The following PPP1R9A variants were observed in gnomAD, a reference collection of about 807,000 sequenced individuals.
The protein encoded by PPP1R9A is protein phosphatase 1 regulatory subunit 9A, also known as neurabin-1.
In PPP1R9A, 59 loss-of-function variants were observed where a neutral mutation model predicts 141.9. The ratio of observed to expected loss-of-function variants is 0.42; its 90% CI spans 0.34 to 0.52. PPP1R9A has a LOEUF of 0.52. PPP1R9A is among the 20% of genes least tolerant of loss of function. PPP1R9A has a pLI of 0.10. For missense variants in PPP1R9A, 1,444 were observed against 1,611.9 expected (o/e 0.90, Z 1.78); for synonymous variants, 500 against 569.7 (o/e 0.88, Z 1.74).
At chr7:94,924,127 G>A (rs1443879959) in intron 2 of PPP1R9A, among the ~76,000 whole-genome samples, 1 of 152,100 alleles carries the variant, frequency 6.6e-6, no homozygotes. Context: ...GTAAAATTTT[G>A]ACTCTTTTCT....
chr7:95,240,741 G>T (rs534203403), intron 8 of PPP1R9A, among the ~76,000 whole-genome samples: 33 of 151,398 alleles, frequency 2.2e-4, no homozygotes, highest in Non-Finnish European at 4.7e-4. Context: ...ATTCTTTCTC[G>T]CTTTTCTTTA....
rs1813057744 is a variant in PPP1R9A at position 95,067,139 on chromosome 7, G to A, written c.1396-44120G>A. Among the ~76,000 whole-genome samples the A allele has an allele frequency of 2.0e-5, 3 of 152,196 alleles. No homozygotes were observed. In the South Asian group the frequency reaches 6.2e-4, roughly 31 times the overall value. ...ATAAAGATATTTTTATACATACAGTGTCTTAAAGATATGTTTTGTCTGCTG... is the reference window on the plus strand; with the variant it reads ...ATAAAGATATTTTTATACATACAGTATCTTAAAGATATGTTTTGTCTGCTG... On this transcript the variant is annotated intron_variant, in intron 2 of 19. Coordinates refer to ENST00000433360, the MANE Select transcript of PPP1R9A (RefSeq NM_001166160.2).
chr7:95,020,327 T>C (rs1805753744), intron 2 of PPP1R9A, among the ~76,000 whole-genome samples: 1 of 152,124 alleles, frequency 6.6e-6, no homozygotes, highest in Non-Finnish European at 1.5e-5. Flanking sequence ...AGTTTACATA[T>C]CCAGGTCATT....
chr7:95,239,407 A>G (rs1381301224), intron 8 of PPP1R9A, among the ~76,000 whole-genome samples: 1 of 152,166 alleles, frequency 6.6e-6, no homozygotes, highest in East Asian at 1.9e-4. Context: ...ACTTTGTTTT[A>G]TAGTAGCTTT....
At chr7:95,017,607 G>C (rs1011932240) in intron 2 of PPP1R9A, among the ~76,000 whole-genome samples, 3 of 152,078 alleles carry the variant, frequency 2.0e-5, no homozygotes, top group Non-Finnish European at 4.4e-5. Context: ...CTGAGAAGCT[G>C]ATTATAAAAA....
chr7:95,033,302 C>T (rs996842858), intron 2 of PPP1R9A, among the ~76,000 whole-genome samples: 2 of 151,794 alleles, frequency 1.3e-5, no homozygotes, highest in Non-Finnish European at 2.9e-5. Context: ...GCATGAGCCA[C>T]CGCTCCTGGC....
chr7:95,044,307 G>A (rs1453979224), intron 2 of PPP1R9A, among the ~76,000 whole-genome samples: 2 of 151,888 alleles, frequency 1.3e-5, no homozygotes, highest in Admixed American at 6.6e-5. Context: ...CCTTAACTGT[G>A]GCTCTTTATA....
intron 4 of PPP1R9A, 128 bp from the exon 5 acceptor site, chr7:95,161,739 G>C: frequency 3.3e-6 from 2 of 610,152 alleles, no homozygotes; most frequent in Non-Finnish European, 5.5e-6. Context: ...GTATGTAAAA[G>C]ATAGATTTTG....
chr7:95,196,640 C>A (rs1300602002), intron 5 of PPP1R9A, among the ~76,000 whole-genome samples: 1 of 152,090 alleles, frequency 6.6e-6, no homozygotes, highest in African/African-American at 2.4e-5. Context: ...GAGCAAATAA[C>A]TGATACTTAC....
At position 95,120,718 on chromosome 7, in the gene PPP1R9A, A is replaced by G. The variant is rs1424153463; in HGVS notation, c.1535A>G (p.Asp512Gly). 5 of 1,611,254 alleles carry G rather than the reference A, an allele frequency of 3.1e-6. No individual in the cohort carries two copies. Among genetic ancestry groups the G allele is most frequent in the African/African-American group, 1.3e-5 (1 of 74,834 alleles). Residue 512 changes from aspartate (D) to glycine (G), a missense_variant, in exon 4 of 20, where the codon GAT becomes GGT. Asp to Gly is a moderately conservative substitution (Grantham distance 94, BLOSUM62 -1). Transcript: ENST00000433360. ...CTTTTTTTCTTTTTAATAGATGAGG[A>G]TGGTCTTGGTATAAGTATTATTGGA... ...LFPVELEKDE[D>G]GLGISIIGMG...
intron 4 of PPP1R9A, among the ~76,000 whole-genome samples, chr7:95,131,820 A>G (rs1471579573): frequency 6.6e-6 from 1 of 152,116 alleles, no homozygotes; most frequent in African/African-American, 2.4e-5. Context: ...CTAATCCATG[A>G]GCATGGAATG....
chr7:95,027,672 T>C (rs1231095381), intron 2 of PPP1R9A, among the ~76,000 whole-genome samples: 3 of 152,238 alleles, frequency 2.0e-5, no homozygotes, highest in Non-Finnish European at 4.4e-5. Flanking sequence ...CTAAATGATA[T>C]AGCCTGCTAC....
At chr7:95,219,104 T>G (rs187748706) in intron 7 of PPP1R9A, among the ~76,000 whole-genome samples, 101 of 152,356 alleles carry the variant, frequency 6.6e-4, no homozygotes, top group Middle Eastern at 3.4e-3. Flanking sequence ...CAGTGGGTGG[T>G]ACTGGTTGTT....
intron 2 of PPP1R9A, among the ~76,000 whole-genome samples, chr7:95,051,276 T>A (rs2151993002): frequency 6.6e-6 from 1 of 152,260 alleles, no homozygotes; most frequent in Admixed American, 6.5e-5. Flanking sequence ...TGCTCTTTTG[T>A]CAAAGATCAG....
chr7:95,196,049 T>A (rs1836220439), intron 5 of PPP1R9A, among the ~76,000 whole-genome samples: 3 of 147,806 alleles, frequency 2.0e-5, no homozygotes, highest in Non-Finnish European at 4.5e-5. Context: ...GACTCTGTTT[T>A]AAAAATAAAA....
chr7:94,993,626 T>C (rs1375192188), intron 2 of PPP1R9A, among the ~76,000 whole-genome samples: 2 of 152,198 alleles, frequency 1.3e-5, no homozygotes, highest in Non-Finnish European at 2.9e-5. Context: ...CTGGGTTTAT[T>C]CCTAAATATT....
At position 95,081,060 on chromosome 7, in the gene PPP1R9A, A is replaced by C. The variant is rs565536955; in HGVS notation, c.1396-30199A>C. 2.0e-5 allele frequency among the ~76,000 whole-genome samples: 3 copies of C among 152,326 alleles called. No homozygotes were observed. The South Asian group carries it at 6.2e-4, about 32-fold the overall frequency. On this transcript the variant is annotated intron_variant, in intron 2 of 19. Transcript: ENST00000433360. ...CAAAGAATAAGACTAGAATCAATTA[A>C]TTCAGAAGGGTATGTAGCTTCATCT...
intron 4 of PPP1R9A, among the ~76,000 whole-genome samples, chr7:95,160,635 A>G (rs967935957): frequency 1.3e-5 from 2 of 152,074 alleles, no homozygotes; most frequent in African/African-American, 4.8e-5. Context: ...GGTACCAGGC[A>G]TAGTACCCAA....
At chr7:95,066,430 C>A (rs890026142) in intron 2 of PPP1R9A, among the ~76,000 whole-genome samples, 7 of 151,792 alleles carry the variant, frequency 4.6e-5, no homozygotes, top group African/African-American at 1.7e-4. Flanking sequence ...TAGAGCCAAA[C>A]ATGTAAGATA....
Sources: allele counts gnomAD v4.1 joint callset (sites outside exome capture counted in the v4.1 genomes callset), GRCh38; gene constraint gnomAD v4.1.1; transcripts MANE v1.5; gene names NCBI Gene and HGNC (gene_info 2026-07-23, HGNC 2026-07-21).